The following PLCB4 variants were observed in gnomAD, a reference collection of about 807,000 sequenced individuals.
The protein encoded by PLCB4 is phospholipase C beta 4, also known as 1-phosphatidylinositol 4,5-bisphosphate phosphodiesterase beta-4.
A neutral mutation model predicts 178.8 loss-of-function variants in PLCB4; 77 were observed. The observed-to-expected ratio is 0.43, with a 90% CI of 0.36 to 0.52. The LOEUF is 0.52. Among genes scored for constraint, PLCB4 ranks in the 20% least tolerant of loss-of-function variants. The pLI is 0.00. For synonymous variants in PLCB4, 496 were observed against 490.8 expected (o/e 1.01, Z -0.14); for missense variants, 1,024 against 1,453.4 (o/e 0.70, Z 4.80).
At chr20:9,234,935 A>G (rs2093976848) in intron 3 of PLCB4, among the ~76,000 whole-genome samples, 1 of 152,228 alleles carries the variant, frequency 6.6e-6, no homozygotes, top group African/African-American at 2.4e-5. Flanking sequence ...TTGTTTGGCC[A>G]TCAGTTTTCT....
intron 3 of PLCB4, among the ~76,000 whole-genome samples, chr20:9,291,656 A>G (rs1467812469): frequency 6.6e-6 from 1 of 152,108 alleles, no homozygotes; most frequent in Admixed American, 6.6e-5. Context: ...CCATCTCTGT[A>G]CTTACTTTAA....
chr20:9,127,000 C>T (rs895469259), intron 2 of PLCB4, among the ~76,000 whole-genome samples: 2 of 152,126 alleles, frequency 1.3e-5, no homozygotes, highest in African/African-American at 4.8e-5. Flanking sequence ...ACTTACATAG[C>T]ATATCCTCTG....
At chr20:9,154,822 C>A (rs1419110269) in intron 2 of PLCB4, among the ~76,000 whole-genome samples, 6 of 144,804 alleles carry the variant, frequency 4.1e-5, no homozygotes. Context: ...CTTTCCTTTC[C>A]TTTCCCTCCC....
chr20:9,334,443 A>T (rs920113912), intron 4 of PLCB4, among the ~76,000 whole-genome samples: 1 of 152,146 alleles, frequency 6.6e-6, no homozygotes, highest in African/African-American at 2.4e-5. Flanking sequence ...GTGGGGTAGT[A>T]AGTAACCATT....
intron 25 of PLCB4, among the ~76,000 whole-genome samples, chr20:9,413,679 T>G (rs1602500250): frequency 6.9e-6 from 1 of 144,950 alleles, no homozygotes; most frequent in African/African-American, 2.6e-5. Context: ...AAAAAAAAAG[T>G]CCTGACAATC....
intron 7 of PLCB4, among the ~76,000 whole-genome samples, chr20:9,359,749 C>T (rs937955880): frequency 1.3e-5 from 2 of 152,126 alleles, no homozygotes; most frequent in African/African-American, 2.4e-5. Flanking sequence ...GATTACCACA[C>T]GAGCTTATTT....
At chr20:9,095,346 G>T (rs1245651536) in intron 1 of PLCB4, among the ~76,000 whole-genome samples, 4 of 152,104 alleles carry the variant, frequency 2.6e-5, no homozygotes, top group African/African-American at 9.7e-5. Context: ...GCTCTTTTGG[G>T]TCAGAATCCT....
intron 7 of PLCB4, among the ~76,000 whole-genome samples, chr20:9,352,249 C>A (rs529866062): frequency 6.6e-6 from 1 of 152,288 alleles, no homozygotes; most frequent in South Asian, 2.1e-4. Context: ...ATATCTAAAT[C>A]AGAAGCACAA....
intron 14 of PLCB4, among the ~76,000 whole-genome samples, chr20:9,387,044 T>C (rs2037734019): frequency 6.6e-6 from 1 of 151,646 alleles, no homozygotes; most frequent in Admixed American, 6.6e-5. Context: ...GCCTCCCAAG[T>C]AGCCATCACA....
At chr20:9,357,669 C>T (rs917706134) in intron 7 of PLCB4, among the ~76,000 whole-genome samples, 5 of 152,118 alleles carry the variant, frequency 3.3e-5, no homozygotes, top group African/African-American at 1.2e-4. Context: ...TACCAGATAG[C>T]CCCCTTGCCC....
intron 18 of PLCB4, among the ~76,000 whole-genome samples, chr20:9,395,123 C>T (rs1362710797): frequency 6.6e-6 from 1 of 152,136 alleles, no homozygotes; most frequent in East Asian, 1.9e-4. Flanking sequence ...GTTTTGTTGC[C>T]AACCTGCCTA....
chr20:9,089,786 T>C (rs1190250066), intron 1 of PLCB4, among the ~76,000 whole-genome samples: 2 of 152,162 alleles, frequency 1.3e-5, no homozygotes, highest in Non-Finnish European at 2.9e-5. Flanking sequence ...AGTTAGCTGG[T>C]GAATAAGGAA....
intron 1 of PLCB4, among the ~76,000 whole-genome samples, chr20:9,095,769 A>G (rs1197977590): frequency 6.6e-6 from 1 of 152,140 alleles, no homozygotes; most frequent in Admixed American, 6.6e-5. Flanking sequence ...AATAGAGCCC[A>G]TAAATATAGT....
intron 2 of PLCB4, among the ~76,000 whole-genome samples, chr20:9,213,945 G>A (rs1323333156): frequency 6.6e-6 from 1 of 152,128 alleles, no homozygotes; most frequent in East Asian, 1.9e-4. Flanking sequence ...TTTGGGAAAT[G>A]TCTATTCAGG....
chr20:9,325,804 C>T (rs2030420264), intron 4 of PLCB4, among the ~76,000 whole-genome samples: 1 of 152,208 alleles, frequency 6.6e-6, no homozygotes, highest in African/African-American at 2.4e-5. Context: ...TGATTAAATT[C>T]TCAAAGAACC....
chr20:9,364,975 C>G (rs2035648357), intron 8 of PLCB4, among the ~76,000 whole-genome samples: 2 of 150,820 alleles, frequency 1.3e-5, no homozygotes, highest in South Asian at 4.2e-4. Context: ...CTCATGAATT[C>G]TCAAGACAAG....
chr20:9,113,272 A>C (rs2091651330), intron 2 of PLCB4, among the ~76,000 whole-genome samples: 1 of 152,180 alleles, frequency 6.6e-6, no homozygotes. Flanking sequence ...GCTTTAGCTC[A>C]TGGGCACCTC....
At chr20:9,375,196 A>G (rs2036570768) in intron 12 of PLCB4, among the ~76,000 whole-genome samples, 1 of 152,148 alleles carries the variant, frequency 6.6e-6, no homozygotes, top group Non-Finnish European at 1.5e-5. Context: ...CATAGAGAAC[A>G]TTCTGCCTGT....
At chr20:9,274,620 G>T (rs1021117954) in intron 3 of PLCB4, among the ~76,000 whole-genome samples, 1 of 152,030 alleles carries the variant, frequency 6.6e-6, no homozygotes, top group South Asian at 2.1e-4. Context: ...CCCACATAGG[G>T]TTAAAGAGGA....
Sources: allele counts gnomAD v4.1 joint callset (sites outside exome capture counted in the v4.1 genomes callset), GRCh38; gene constraint gnomAD v4.1.1; transcripts MANE v1.5; gene names NCBI Gene and HGNC (gene_info 2026-07-23, HGNC 2026-07-21).